PDZD2: variants seen among roughly 807,000 people sequenced by gnomAD.
The protein encoded by PDZD2 is PDZ domain-containing protein 2.
Under a neutral mutation model 220.7 loss-of-function variants are expected in PDZD2, and 90 were observed. The observed-to-expected ratio is 0.41, with a 90% CI of 0.34 to 0.49. The LOEUF is 0.49. PDZD2 is among the 20% of genes least tolerant of loss of function. The pLI is 0.28. For synonymous variants in PDZD2, 1,375 were observed against 1,450.5 expected, an observed-to-expected ratio of 0.95 and a Z score of 1.18; for missense variants, 3,174 against 3,608.5, an observed-to-expected ratio of 0.88 and a Z score of 3.08.
chr5:31,782,196 A>G (rs1226191584), intron 1 of PDZD2, among the ~76,000 whole-genome samples: 2 of 152,310 alleles, frequency 1.3e-5, no homozygotes, highest in Admixed American at 6.5e-5. Flanking sequence ...TAGGGTTGCC[A>G]TATAAAATAC....
At chr5:31,832,797 CAG>C (rs1756693142) in intron 2 of PDZD2, among the ~76,000 whole-genome samples, 1 of 150,370 alleles carries the variant, frequency 6.7e-6, no homozygotes, top group South Asian at 2.1e-4. Flanking sequence ...GCCTGGGTGA[CAG>C]AGCGAGACTC....
At chr5:31,989,277 G>A (rs1326126802) in intron 3 of PDZD2, among the ~76,000 whole-genome samples, 2 of 152,166 alleles carry the variant, frequency 1.3e-5, no homozygotes, top group African/African-American at 4.8e-5. Context: ...TTATGAGTGA[G>A]AACATGGAGT....
rs150752866 is a variant in PDZD2 at position 31,875,794 on chromosome 5, A to G, written c.476+76070A>G. Among the ~76,000 whole-genome samples, 337 of 151,682 alleles carry G rather than the reference A, an allele frequency of 2.2e-3. 2 individuals carry two copies. The highest frequency in any genetic ancestry group is 6.5e-3 in the African/African-American group (271 of 41,470). ...CCTCACATATATAGTCCCTAAAAAT[A>G]TATAGGTCAGTGTTACGGTTCTTTA... On this transcript the variant is annotated intron_variant, in intron 2 of 24. Coordinates refer to ENST00000438447, the MANE Select transcript of PDZD2 (RefSeq NM_178140.4).
chr5:31,804,007 T>C (rs182969735), intron 2 of PDZD2, among the ~76,000 whole-genome samples: 51 of 150,042 alleles, frequency 3.4e-4, no homozygotes, highest in Non-Finnish European at 5.9e-4. Flanking sequence ...TGCACCACTG[T>C]ACTCTAGCCT....
chr5:31,652,056 C>T (rs1277905441), intron 1 of PDZD2, among the ~76,000 whole-genome samples: 1 of 148,516 alleles, frequency 6.7e-6, no homozygotes, highest in Non-Finnish European at 1.5e-5. Flanking sequence ...TGGTCTCGAA[C>T]TCCCGACCTT....
intron 6 of PDZD2, among the ~76,000 whole-genome samples, chr5:32,023,793 T>G (rs1055314544): frequency 6.6e-6 from 1 of 152,234 alleles, no homozygotes; most frequent in African/African-American, 2.4e-5. Context: ...GTAGCCCCCC[T>G]TATCCAGAGT....
chr5:32,074,708 T>A, intron 18 of PDZD2, 65 bp downstream of exon 18: 1 of 1,105,562 alleles, frequency 9.0e-7, no homozygotes, highest in South Asian at 1.6e-5. Flanking sequence ...GAAGATGGAG[T>A]CTGTTGTAAA....
rs535283772 is a variant in PDZD2 at position 31,863,451 on chromosome 5, CAT to C, written c.476+63728_476+63729del. On this transcript the variant is annotated intron_variant, in intron 2 of 24. Transcript: ENST00000438447. Reference sequence around the variant, plus strand: ...TGGTTTTCCAGGTGGTTTCTTCTCACATGTCTTATTACACTTTTGAATCTAGA... The same window carrying C: ...TGGTTTTCCAGGTGGTTTCTTCTCACGTCTTATTACACTTTTGAATCTAGA... 2.3e-3 allele frequency among the ~76,000 whole-genome samples: 348 copies of C among 152,334 alleles called. 3 individuals carry two copies. Among genetic ancestry groups the C allele is most frequent in the Middle Eastern group, 0.01 (3 of 294 alleles).
intron 19 of PDZD2, 59 bp downstream of exon 19, chr5:32,077,665 G>C: frequency 6.4e-7 from 1 of 1,559,088 alleles, no homozygotes; most frequent in Non-Finnish European, 8.8e-7. Context: ...CCTAATGAAA[G>C]CATTATACAG....
At chr5:31,824,766 G>A (rs1393445181) in intron 2 of PDZD2, among the ~76,000 whole-genome samples, 1 of 151,906 alleles carries the variant, frequency 6.6e-6, no homozygotes, top group Non-Finnish European at 1.5e-5. Context: ...ATTTTAAAAT[G>A]GGAATAAAAT....
At position 32,084,948 on chromosome 5, in the gene PDZD2, C is replaced by CTTTTTTT. The variant is rs745430355; in HGVS notation, c.3683-2163_3683-2157dup. ...TGCTTCTCTGCTTTCATTCTGTTGC[C>CTTTTTTT]TTTTTTTTTTTTTTTTTTTTTTTTT... is the stretch of plus-strand genomic sequence containing the variant. On this transcript the variant is annotated intron_variant, in intron 19 of 24. Coordinates refer to ENST00000438447, the MANE Select transcript of PDZD2 (RefSeq NM_178140.4). 9.9e-4 allele frequency among the ~76,000 whole-genome samples: 94 copies of CTTTTTTT among 94,492 alleles called. 8 individuals are homozygous for CTTTTTTT. The highest frequency in any genetic ancestry group is 1.7e-3 in the Non-Finnish European group (84 of 50,128). The allele number at this position is 94,492 out of a possible 152,430, so 62.0% of individuals were successfully genotyped here. A position where few individuals can be genotyped will look rare whatever the true frequency, so the allele number is the denominator to read the frequency against.
At chr5:32,051,663 A>G (rs556851075) in intron 8 of PDZD2, among the ~76,000 whole-genome samples, 2 of 152,258 alleles carry the variant, frequency 1.3e-5, no homozygotes, top group Non-Finnish European at 2.9e-5. Context: ...CGTGTATATT[A>G]TGGGTGATGG....
chr5:31,865,400 C>A (rs552866282), intron 2 of PDZD2, among the ~76,000 whole-genome samples: 1 of 151,710 alleles, frequency 6.6e-6, no homozygotes, highest in Non-Finnish European at 1.5e-5. Flanking sequence ...GCAGCCTCGA[C>A]CTCTCAGGCC....
rs1003234312 is a variant in PDZD2 at position 32,000,985 on chromosome 5, ACT to A, written c.1254+718_1254+719del. Among the ~76,000 whole-genome samples the A allele has an allele frequency of 6.6e-6, 1 of 151,964 alleles. No homozygotes were observed. The highest frequency in any genetic ancestry group is 2.4e-5 in the African/African-American group (1 of 41,364). On this transcript the variant is annotated intron_variant, in intron 5 of 24. Coordinates refer to ENST00000438447, the MANE Select transcript of PDZD2 (RefSeq NM_178140.4). The surrounding 1 kb of genome is among the most constrained non-coding windows in gnomAD (Gnocchi z 4.5). ...CCTGTCAGATCAGCGGCGGCACTGG[ACT>A]CTCATAGGAATGCGAGCCCTATTGT...
chr5:32,092,770 AAG>A (rs1743280149), intron 20 of PDZD2, 135 bp from the exon 21 acceptor site: 1 of 491,530 alleles, frequency 2.0e-6, no homozygotes, highest in African/African-American at 2.0e-5. Flanking sequence ...TTTGGAATGG[AAG>A]TTTTGACCAA....
At chr5:32,016,178 A>G (rs957628573) in intron 6 of PDZD2, among the ~76,000 whole-genome samples, 3 of 152,204 alleles carry the variant, frequency 2.0e-5, no homozygotes, top group African/African-American at 7.2e-5. Context: ...GAAAGCCAGT[A>G]TCCTCGAGTG....
intron 6 of PDZD2, among the ~76,000 whole-genome samples, chr5:32,034,863 G>T (rs753084700): frequency 5.9e-5 from 9 of 152,166 alleles, no homozygotes; most frequent in African/African-American, 9.7e-5. Context: ...TGTACATATT[G>T]ATGTCAGGAT....
At chr5:31,943,282 C>T (rs1210192466) in intron 2 of PDZD2, among the ~76,000 whole-genome samples, 2 of 151,852 alleles carry the variant, frequency 1.3e-5, no homozygotes, top group East Asian at 1.9e-4. Flanking sequence ...ACAGTTGACA[C>T]GGCTGTGGGA....
chr5:31,969,219 AT>A (rs1749046426), intron 2 of PDZD2, among the ~76,000 whole-genome samples: 1 of 152,056 alleles, frequency 6.6e-6, no homozygotes, highest in Non-Finnish European at 1.5e-5. Context: ...CCAAAAGGAC[AT>A]GTTCAGCCAG....
Sources: allele counts gnomAD v4.1 joint callset (sites outside exome capture counted in the v4.1 genomes callset), GRCh38; gene constraint gnomAD v4.1.1; non-coding constraint Gnocchi (gnomAD v3.1); transcripts MANE v1.5; gene names NCBI Gene and HGNC (gene_info 2026-07-23, HGNC 2026-07-21).